Variants in IL1RAPL2 observed in about 807,000 individuals in gnomAD.
The protein encoded by IL1RAPL2 is X-linked interleukin-1 receptor accessory protein-like 2.
In IL1RAPL2, 3 loss-of-function variants were observed where a neutral mutation model predicts 44.1. That is an observed-to-expected ratio of 0.07 (90% CI 0.03 to 0.18). The LOEUF (loss-of-function observed/expected upper bound fraction) is 0.18, where lower values mean the gene tolerates loss of function less well. IL1RAPL2 is among the 10% of genes least tolerant of loss of function. The pLI is 1.00. For missense variants in IL1RAPL2, 391 were observed against 496.4 expected (o/e 0.79, Z 2.02); for synonymous variants, 181 against 178.8 (o/e 1.01, Z -0.10).
chrX:105,502,784 A>T (rs2036405115), intron 6 of IL1RAPL2, among the ~76,000 whole-genome samples: 2 of 110,598 alleles, frequency 1.8e-5, no homozygotes, highest in African/African-American at 6.6e-5. Context: ...TCTGGGGCTA[A>T]GTAATAATTT....
At chrX:105,584,147 A>T (rs759181657) in intron 6 of IL1RAPL2, among the ~76,000 whole-genome samples, 1 of 110,616 alleles carries the variant, frequency 9.0e-6, no homozygotes, top group Admixed American at 9.6e-5. Flanking sequence ...CAAGTCTTCT[A>T]TTTTTTTTCT....
chrX:105,203,805 A>G (rs1426136076), intron 3 of IL1RAPL2, among the ~76,000 whole-genome samples: 1 of 111,765 alleles, frequency 8.9e-6, no homozygotes, highest in East Asian at 2.8e-4. Context: ...CTCATACTCT[A>G]TCAGTTACTC....
chrX:104,900,765 T>C (rs886974547), intron 2 of IL1RAPL2, among the ~76,000 whole-genome samples: 1 of 111,906 alleles, frequency 8.9e-6, no homozygotes, highest in Non-Finnish European at 1.9e-5. Context: ...ATCACTTATA[T>C]TGGAAAAAGC....
intron 6 of IL1RAPL2, among the ~76,000 whole-genome samples, chrX:105,700,703 T>A (rs916512272): frequency 8.9e-6 from 1 of 111,780 alleles, no homozygotes; most frequent in Non-Finnish European, 1.9e-5. Context: ...TTATTATTGG[T>A]CTAGAACTTG....
chrX:104,617,667 G>T (rs1929305726), intron 1 of IL1RAPL2, among the ~76,000 whole-genome samples: 2 of 112,012 alleles, frequency 1.8e-5, no homozygotes, highest in African/African-American at 6.5e-5. Flanking sequence ...ATATTCTGAA[G>T]TTCCTTAACT....
intron 2 of IL1RAPL2, among the ~76,000 whole-genome samples, chrX:104,915,661 G>A (rs1390350924): frequency 1.8e-5 from 2 of 111,045 alleles, no homozygotes; most frequent in African/African-American, 3.3e-5. Flanking sequence ...TGTCCTGAAT[G>A]GTATTGCCTA....
intron 6 of IL1RAPL2, among the ~76,000 whole-genome samples, chrX:105,654,189 C>A (rs2037661794): frequency 9.9e-6 from 1 of 100,729 alleles, no homozygotes; most frequent in South Asian, 3.8e-4. Flanking sequence ...ATCTTTTAAA[C>A]TCCACACTCC....
chrX:105,023,751 A>G (rs1169305307), intron 2 of IL1RAPL2, among the ~76,000 whole-genome samples: 1 of 111,157 alleles, frequency 9.0e-6, no homozygotes, highest in Admixed American at 9.6e-5. Context: ...TGCTCCAAAT[A>G]GTCAATAAAG....
intron 5 of IL1RAPL2, among the ~76,000 whole-genome samples, chrX:105,351,734 C>T (rs1200405876): frequency 9.0e-6 from 1 of 110,749 alleles, no homozygotes; most frequent in African/African-American, 3.3e-5. Flanking sequence ...ACCTATGTAA[C>T]AAACCTGCAC....
At chrX:105,079,209 A>G (rs948492820) in intron 2 of IL1RAPL2, among the ~76,000 whole-genome samples, 2 of 111,845 alleles carry the variant, frequency 1.8e-5, no homozygotes, top group Admixed American at 1.9e-4. Flanking sequence ...GAATGCTTTT[A>G]TACTGTTGGT....
intron 6 of IL1RAPL2, among the ~76,000 whole-genome samples, chrX:105,631,712 C>T (rs1000145742): frequency 6.3e-5 from 7 of 111,968 alleles, no homozygotes; most frequent in African/African-American, 1.9e-4. Flanking sequence ...TTTGGCACTT[C>T]CATGGCCTTC....
rs139361282 is a variant in IL1RAPL2, at chrX:105,218,051, G to A, written c.357-15767G>A. 6.5e-3 allele frequency among the ~76,000 whole-genome samples: 718 copies of A among 110,723 alleles called. 7 individuals are homozygous for A. The highest frequency in any genetic ancestry group is 0.023 in the African/African-American group (684 of 30,381). On this transcript the variant is annotated intron_variant, in intron 3 of 10. Coordinates refer to ENST00000372582, the MANE Select transcript of IL1RAPL2 (RefSeq NM_017416.2). ...TAGGTACAGCAAACCACCATGGCACGTGTATACCTATGTAACAAACCTACA... is the reference window on the plus strand; with the variant it reads ...TAGGTACAGCAAACCACCATGGCACATGTATACCTATGTAACAAACCTACA...
intron 2 of IL1RAPL2, among the ~76,000 whole-genome samples, chrX:105,168,414 G>GTT (rs1202227200): frequency 1.1e-5 from 1 of 89,358 alleles, no homozygotes; most frequent in African/African-American, 4.7e-5. Flanking sequence ...AACCATAGGA[G>GTT]GTGTGTGTGT....
At chrX:104,674,452 T>C (rs1930696241) in intron 2 of IL1RAPL2, among the ~76,000 whole-genome samples, 1 of 112,153 alleles carries the variant, frequency 8.9e-6, no homozygotes, top group Non-Finnish European at 1.9e-5. Flanking sequence ...GAAGCCCACT[T>C]GATCATGGTG....
chrX:105,057,254 T>C (rs2032006118), intron 2 of IL1RAPL2, among the ~76,000 whole-genome samples: 1 of 112,121 alleles, frequency 8.9e-6, no homozygotes, highest in African/African-American at 3.2e-5. Flanking sequence ...AACTAGCAAG[T>C]TAGTTAATTA....
chrX:105,443,468 C>T (rs2035934627), intron 5 of IL1RAPL2, among the ~76,000 whole-genome samples: 1 of 111,250 alleles, frequency 9.0e-6, no homozygotes, highest in African/African-American at 3.3e-5. Context: ...TTCTTTTATA[C>T]CCATTAATTT....
intron 1 of IL1RAPL2, among the ~76,000 whole-genome samples, chrX:104,576,998 C>T (rs768508549): frequency 8.9e-6 from 1 of 112,153 alleles, no homozygotes; most frequent in East Asian, 2.8e-4. Context: ...TTTCAAACAC[C>T]CACTGCTCAT....
chrX:104,598,847 G>C (rs941465436), intron 1 of IL1RAPL2, among the ~76,000 whole-genome samples: 1 of 112,457 alleles, frequency 8.9e-6, no homozygotes, highest in African/African-American at 3.2e-5. Flanking sequence ...TCTAATGGTA[G>C]GGACAGTACT....
chrX:104,934,077 A>G (rs543291467), intron 2 of IL1RAPL2, among the ~76,000 whole-genome samples: 2 of 112,446 alleles, frequency 1.8e-5, no homozygotes, highest in African/African-American at 6.4e-5. Context: ...AATGCAAGAT[A>G]ACATAGCTCT....
Sources: allele counts gnomAD v4.1 joint callset (sites outside exome capture counted in the v4.1 genomes callset), GRCh38; gene constraint gnomAD v4.1.1; transcripts MANE v1.5; gene names NCBI Gene and HGNC (gene_info 2026-07-23, HGNC 2026-07-21).